The following GOLM2 variants were observed in gnomAD, a reference collection of about 807,000 sequenced individuals.
GOLM2 encodes the protein protein GOLM2.
A neutral mutation model predicts 55.9 loss-of-function variants in GOLM2; 26 were observed. The observed-to-expected ratio is 0.47, with a 90% CI of 0.34 to 0.65. The LOEUF is 0.65. GOLM2 is among the 30% of genes least tolerant of loss of function. The probability of loss-of-function intolerance (pLI) is 0.01; values close to 1 mark genes in which losing one functional copy is unlikely to be tolerated. For missense variants in GOLM2, 486 were observed against 531.8 expected (o/e 0.91, Z 0.85); for synonymous variants, 165 against 194.6 (o/e 0.85, Z 1.27).
At chr15:44,397,708 A>G (rs1021509338) in intron 8 of GOLM2, among the ~76,000 whole-genome samples, 1 of 152,090 alleles carries the variant, frequency 6.6e-6, no homozygotes, top group East Asian at 1.9e-4. Flanking sequence ...TATGAGTTTT[A>G]AATCTACATG....
In GOLM2 at chr15:44,322,009, G is replaced by A. The variant is rs192130961; in HGVS notation, c.328-956G>A. Among the ~76,000 whole-genome samples the A allele has an allele frequency of 7.9e-5, 12 of 152,110 alleles. No individual in the cohort carries two copies. In the South Asian group the frequency reaches 8.3e-4, roughly 11 times the overall value. ...CTGGAGGTCAAGGCTGCAGTGAACC[G>A]TGATTGCATCACTGTACTCCAGCCT... On this transcript the variant is annotated intron_variant, in intron 1 of 9. Transcript: ENST00000299957.
intron 1 of GOLM2, among the ~76,000 whole-genome samples, chr15:44,313,039 A>G (rs1056568835): frequency 4.0e-5 from 6 of 151,898 alleles, no homozygotes; most frequent in African/African-American, 1.5e-4. Flanking sequence ...AGATCATGCC[A>G]TTGCACTCCA....
intron 8 of GOLM2, among the ~76,000 whole-genome samples, chr15:44,394,780 A>C (rs2079513723): frequency 6.6e-6 from 1 of 152,314 alleles, no homozygotes; most frequent in African/African-American, 2.4e-5. Flanking sequence ...AGGGTACTTG[A>C]AATAGTCACA....
chr15:44,372,347 A>G lies in GOLM2; in HGVS notation c.803-7343A>G, dbSNP rs1465181428. On this transcript the variant is annotated intron_variant, in intron 6 of 9. Coordinates refer to ENST00000299957, the MANE Select transcript of GOLM2 (RefSeq NM_138423.4). ...AGGCACTGGATCATGAAGTCCTGTT[A>G]GTCAGGAAATTGGAAGTCTAGACAG... 2.0e-5 allele frequency among the ~76,000 whole-genome samples: 3 copies of G among 152,190 alleles called. No homozygotes were observed. The East Asian group carries it at 5.8e-4, about 29-fold the overall frequency.
At chr15:44,401,708 T>C (rs1270784422) in intron 8 of GOLM2, among the ~76,000 whole-genome samples, 1 of 152,236 alleles carries the variant, frequency 6.6e-6, no homozygotes, top group Admixed American at 6.5e-5. Flanking sequence ...TGTCTAAATA[T>C]AGTTTTAGTT....
intron 2 of GOLM2, among the ~76,000 whole-genome samples, chr15:44,326,295 A>G (rs1168017136): frequency 6.6e-6 from 1 of 151,730 alleles, no homozygotes; most frequent in African/African-American, 2.4e-5. Flanking sequence ...GAAATTTAAA[A>G]TGTGGCTTGA....
At position 44,289,263 on chromosome 15, in the gene GOLM2, G is replaced by A. The variant is rs148489550; in HGVS notation, c.234G>A (p.Lys78=). The change falls in exon 1 of 10, where the codon AAG becomes AAA. Residue 78 remains lysine (K), a synonymous_variant. Transcript: ENST00000299957. This position sits in a 1 kb window ranked among gnomAD's most constrained non-coding sequence, Gnocchi z 4.8. ...SDLLLLVDTH[K]KQIDQKEADY... ...TCTTGCTGTTGGTGGACACGCACAA[G>A]AAACAGATCGACCAGAAGGAGGCCG... 0.023 allele frequency: 37,686 copies of A among 1,614,072 alleles called. 568 individuals are homozygous for A. The highest frequency in any genetic ancestry group is 0.031 in the Middle Eastern group (190 of 6,058).
chr15:44,356,297 G>A (rs1217483813), intron 6 of GOLM2, among the ~76,000 whole-genome samples: 1 of 152,070 alleles, frequency 6.6e-6, no homozygotes, highest in African/African-American at 2.4e-5. Context: ...ACCAATAGCT[G>A]GTTCTTTGAC....
At chr15:44,359,513 G>A (rs529565933) in intron 6 of GOLM2, among the ~76,000 whole-genome samples, 10 of 152,180 alleles carry the variant, frequency 6.6e-5, no homozygotes, top group South Asian at 2.1e-4. Context: ...GGTTGAACCC[G>A]GGAGGCAGAG....
chr15:44,304,230 C>CTTCTTTTTTTTTTTTTTTTTTT (rs1301281420), intron 1 of GOLM2, among the ~76,000 whole-genome samples: 1 of 82,874 alleles, frequency 1.2e-5, no homozygotes, highest in East Asian at 4.3e-4. Context: ...GGCTCCACTT[C>CTTCTTTTTTTTTTTTTTTTTTT]TTTTTTTTTT....
intron 1 of GOLM2, among the ~76,000 whole-genome samples, chr15:44,300,648 A>G (rs773869002): frequency 3.9e-5 from 6 of 152,228 alleles, no homozygotes; most frequent in Non-Finnish European, 7.3e-5. Context: ...TCCTGAAGTG[A>G]CAGGGAGTAC....
At chr15:44,301,193 G>A (rs565056589) in intron 1 of GOLM2, among the ~76,000 whole-genome samples, 4 of 152,122 alleles carry the variant, frequency 2.6e-5, no homozygotes, top group African/African-American at 7.2e-5. Context: ...TGATCCTCCC[G>A]CCTCAGCATC....
At chr15:44,369,067 T>TTA (rs58317520) in intron 6 of GOLM2, among the ~76,000 whole-genome samples, 553 of 22,810 alleles carry the variant, frequency 0.024, 33 homozygotes, top group East Asian at 0.033. Flanking sequence ...ATAGGATATA[T>TTA]TATATATATA....
chr15:44,368,303 ATTTTTTT>A (rs1245673474), intron 6 of GOLM2, among the ~76,000 whole-genome samples: 6 of 115,666 alleles, frequency 5.2e-5, no homozygotes, highest in East Asian at 5.1e-4. Context: ...ACGCCCAGCT[ATTTTTTT>A]TTTTTTTTTT....
intron 6 of GOLM2, among the ~76,000 whole-genome samples, chr15:44,344,777 T>C (rs2079112455): frequency 2.0e-5 from 3 of 148,904 alleles, no homozygotes; most frequent in Admixed American, 2.0e-4. Flanking sequence ...ATTTATTTAA[T>C]TAATTTTTTT....
intron 6 of GOLM2, among the ~76,000 whole-genome samples, chr15:44,376,307 T>A (rs2079364669): frequency 6.6e-6 from 1 of 152,108 alleles, no homozygotes. Flanking sequence ...AGTGTTTCCC[T>A]CTGTCACCCA....
chr15:44,405,400 C>T (rs575926789), intron 9 of GOLM2: 1 of 152,246 alleles, frequency 6.6e-6, no homozygotes, highest in Non-Finnish European at 1.5e-5. Context: ...CAGGATAGGG[C>T]ACCTACAAAG....
intron 6 of GOLM2, among the ~76,000 whole-genome samples, chr15:44,344,678 A>G (rs974987774): frequency 3.3e-5 from 5 of 151,824 alleles, no homozygotes; most frequent in African/African-American, 1.2e-4. Flanking sequence ...GCAGCCTCAA[A>G]CTCCTAGACC....
At chr15:44,291,408 T>G (rs191028261) in intron 1 of GOLM2, among the ~76,000 whole-genome samples, 85 of 152,348 alleles carry the variant, frequency 5.6e-4, no homozygotes, top group Non-Finnish European at 9.3e-4. Context: ...TTTTTTCACT[T>G]TCATTGCTAA....
Sources: gnomAD v4.1 joint callset for allele counts (sites outside exome capture counted in the v4.1 genomes callset) on GRCh38, gnomAD v4.1.1 for gene constraint, Gnocchi (gnomAD v3.1) non-coding constraint, MANE v1.5 for transcripts, NCBI Gene and HGNC (gene_info 2026-07-23, HGNC 2026-07-21) for gene names.